The following RAB5A variants were observed in gnomAD, a reference collection of about 807,000 sequenced individuals.
The protein encoded by RAB5A is RAB5A, member RAS oncogene family.
RAB5A carries 8 observed loss-of-function variants against 25.7 expected under a neutral mutation model. The ratio of observed to expected loss-of-function variants is 0.31; its 90% CI spans 0.18 to 0.56. The LOEUF (loss-of-function observed/expected upper bound fraction) is 0.56, where lower values mean the gene tolerates loss of function less well. RAB5A is among the 20% of genes least tolerant of loss of function. The pLI is 0.91. For synonymous variants in RAB5A, 98 were observed against 89.8 expected (o/e 1.09, Z -0.52); for missense variants, 192 against 259.7 (o/e 0.74, Z 1.79).
At chr3:19,958,518 AT>A (rs1696538198) in intron 2 of RAB5A, among the ~76,000 whole-genome samples, 1 of 152,196 alleles carries the variant, frequency 6.6e-6, no homozygotes, top group Admixed American at 6.5e-5. Context: ...CTGTTTACAC[AT>A]TTGTAACACG....
Position 19,979,144 on chromosome 3 carries a change from T to C in RAB5A, c.532+741T>C, listed in dbSNP as rs371096484. On this transcript the variant is annotated intron_variant, in intron 5 of 5. Coordinates refer to ENST00000273047, the MANE Select transcript of RAB5A (RefSeq NM_004162.5). Reference sequence around the variant, plus strand: ...GGTGCACACCACCACGCCCAGCTAATTTTTGTATTTATAGTAGAGACAGGG... The same window carrying C: ...GGTGCACACCACCACGCCCAGCTAACTTTTGTATTTATAGTAGAGACAGGG... Among the ~76,000 whole-genome samples the C allele has an allele frequency of 4.6e-5, 7 of 152,198 alleles. No homozygotes were observed. In the East Asian group the frequency reaches 1.4e-3, roughly 29 times the overall value.
chr3:19,965,859 A>G (rs1040969392), intron 2 of RAB5A, among the ~76,000 whole-genome samples: 1 of 151,892 alleles, frequency 6.6e-6, no homozygotes, highest in Non-Finnish European at 1.5e-5. Flanking sequence ...CCCCCCGCCC[A>G]GTAGCTGGGA....
chr3:19,963,376 C>G (rs185360403), intron 2 of RAB5A, among the ~76,000 whole-genome samples: 256 of 86,676 alleles, frequency 3.0e-3, no homozygotes, highest in South Asian at 5.3e-3. Flanking sequence ...CCCCCCCCCC[C>G]CCGACTTATT....
chr3:19,981,354 A>G (rs1353118048), intron 5 of RAB5A, among the ~76,000 whole-genome samples: 1 of 152,216 alleles, frequency 6.6e-6, no homozygotes, highest in Non-Finnish European at 1.5e-5. Context: ...CACTACCTGT[A>G]ATCCCAGCAC....
At chr3:19,964,356 A>G (rs1439499713) in intron 2 of RAB5A, among the ~76,000 whole-genome samples, 1 of 149,002 alleles carries the variant, frequency 6.7e-6, no homozygotes, top group African/African-American at 2.5e-5. Context: ...ATCTGATTCT[A>G]GTTAATAACT....
At chr3:19,967,835 G>A (rs952034941) in intron 2 of RAB5A, among the ~76,000 whole-genome samples, 5 of 151,924 alleles carry the variant, frequency 3.3e-5, no homozygotes, top group African/African-American at 4.8e-5. Flanking sequence ...CTACACTCAC[G>A]ACTGTCGCTT....
chr3:19,962,849 C>T (rs1575070729), intron 2 of RAB5A, among the ~76,000 whole-genome samples: 1 of 151,904 alleles, frequency 6.6e-6, no homozygotes, highest in African/African-American at 2.4e-5. Context: ...CGGGGTGTCA[C>T]TTGCCCAGGC....
At chr3:19,967,186 C>T (rs1696673564) in intron 2 of RAB5A, among the ~76,000 whole-genome samples, 2 of 151,744 alleles carry the variant, frequency 1.3e-5, no homozygotes, top group South Asian at 4.2e-4. Context: ...AGTCTGCCGC[C>T]CAGGCTGGAG....
intron 1 of RAB5A, among the ~76,000 whole-genome samples, chr3:19,949,222 T>A (rs1319732813): frequency 6.6e-6 from 1 of 152,162 alleles, no homozygotes; most frequent in African/African-American, 2.4e-5. Context: ...CTGTAAATAT[T>A]TCAGTATGTA....
At chr3:19,963,267 TTA>T (rs776327917) in intron 2 of RAB5A, among the ~76,000 whole-genome samples, 2 of 152,156 alleles carry the variant, frequency 1.3e-5, no homozygotes, top group African/African-American at 2.4e-5. Flanking sequence ...TCTTCTCTTT[TTA>T]TTATTTTTTA....
chr3:19,983,091 C>G (rs1262763911), intron 5 of RAB5A, among the ~76,000 whole-genome samples: 2 of 152,014 alleles, frequency 1.3e-5, no homozygotes, highest in Non-Finnish European at 2.9e-5. Context: ...AATCCCAACA[C>G]TTTGGGAGGC....
chr3:19,964,820 C>T (rs574647311), intron 2 of RAB5A, among the ~76,000 whole-genome samples: 71 of 152,194 alleles, frequency 4.7e-4, no homozygotes, highest in Admixed American at 1.5e-3. Context: ...CCATGTTGGC[C>T]GGGCTGGTCT....
intron 1 of RAB5A, among the ~76,000 whole-genome samples, chr3:19,948,568 AAGTTTCAGTAAGC>A (rs1696369550): frequency 1.3e-5 from 2 of 152,212 alleles, no homozygotes; most frequent in Non-Finnish European, 2.9e-5. Flanking sequence ...TGCAAAACAG[AAGTTTCAGTAAGC>A]AGTGAATACA....
At chr3:19,978,214 A>G in intron 4 of RAB5A, 96 bp from the exon 5 acceptor site, 2 of 812,280 alleles carry the variant, frequency 2.5e-6, no homozygotes, top group Non-Finnish European at 4.3e-6. Context: ...GGTTGTAGTA[A>G]TAAGAAAGTC....
At chr3:19,958,260 G>A (rs1696533780) in intron 2 of RAB5A, among the ~76,000 whole-genome samples, 1 of 152,150 alleles carries the variant, frequency 6.6e-6, no homozygotes, top group South Asian at 2.1e-4. Context: ...TAATATCTTT[G>A]TTCATCATAT....
At chr3:19,973,296 C>T (rs1024253913) in intron 2 of RAB5A, among the ~76,000 whole-genome samples, 1 of 151,520 alleles carries the variant, frequency 6.6e-6, no homozygotes, top group African/African-American at 2.4e-5. Flanking sequence ...TACTTATGGA[C>T]GTATAAGTGA....
intron 1 of RAB5A, chr3:19,947,799 T>G (rs1421120581): frequency 6.6e-6 from 1 of 152,404 alleles, no homozygotes; most frequent in Non-Finnish European, 1.5e-5. Flanking sequence ...GTGGAAAGTG[T>G]ACTGGAGGCC....
chr3:19,977,443 C>T (rs1274685115), intron 4 of RAB5A, among the ~76,000 whole-genome samples: 1 of 152,198 alleles, frequency 6.6e-6, no homozygotes, highest in Non-Finnish European at 1.5e-5. Flanking sequence ...GCGGTTGTGG[C>T]TGTTCTGTAT....
At chr3:19,974,127 T>G (rs751152915) in intron 2 of RAB5A, among the ~76,000 whole-genome samples, 1 of 151,816 alleles carries the variant, frequency 6.6e-6, no homozygotes, top group Non-Finnish European at 1.5e-5. Flanking sequence ...GTAGGTCTTT[T>G]AATTTTAACA....
Sources: allele counts gnomAD v4.1 joint callset (sites outside exome capture counted in the v4.1 genomes callset), GRCh38; gene constraint gnomAD v4.1.1; transcripts MANE v1.5; gene names NCBI Gene and HGNC (gene_info 2026-07-23, HGNC 2026-07-21).